DSE: variants seen among roughly 807,000 people sequenced by gnomAD.
The protein encoded by DSE is dermatan-sulfate epimerase.
DSE carries 36 observed loss-of-function variants against 84.4 expected under a neutral mutation model. That is an observed-to-expected ratio of 0.43 (90% CI 0.33 to 0.56). The LOEUF (loss-of-function observed/expected upper bound fraction) is 0.56, where lower values mean the gene tolerates loss of function less well. Among genes scored for constraint, DSE ranks in the 20% least tolerant of loss-of-function variants. The probability of loss-of-function intolerance (pLI) is 0.06; values close to 1 mark genes in which losing one functional copy is unlikely to be tolerated. For synonymous variants in DSE, 410 were observed against 430.1 expected, an observed-to-expected ratio of 0.95 and a Z score of 0.58; for missense variants, 862 against 1,169.6, an observed-to-expected ratio of 0.74 and a Z score of 3.84.
At chr6:116,393,563 A>G (rs896792033) in intron 1 of DSE, among the ~76,000 whole-genome samples, 3 of 152,214 alleles carry the variant, frequency 2.0e-5, no homozygotes, top group African/African-American at 7.2e-5. Flanking sequence ...TGCATCACAC[A>G]TGTCTAATCA....
rs1784395391 is a variant in DSE, at chr6:116,440,621, T to A, written c.*3276T>A. The A allele has an allele frequency of 6.6e-6, 1 of 152,190 alleles. No individual in the cohort carries two copies. Among genetic ancestry groups the A allele is most frequent in the Non-Finnish European group, 1.5e-5 (1 of 68,034 alleles). The allele number at this position is 152,190 out of a possible 1,614,324, so 9.4% of individuals were successfully genotyped here. A position where few individuals can be genotyped will look rare whatever the true frequency, so the allele number is the denominator to read the frequency against. ...ATCTAAACCAAGATTAAAATGAATA[T>A]AGTCATAGGTATGAGGGGCATGTAA... On this transcript the variant is annotated 3_prime_UTR_variant, in exon 6 of 6. Transcript: ENST00000644252.
chr6:116,352,678 G>C (rs1248339759), intron 2 of DSE, among the ~76,000 whole-genome samples: 4 of 150,448 alleles, frequency 2.7e-5, no homozygotes, highest in Non-Finnish European at 4.4e-5. Context: ...TGTGTTGAAG[G>C]AGTAAGATGG....
At chr6:116,409,428 C>T (rs1316894957) in intron 2 of DSE, among the ~76,000 whole-genome samples, 5 of 152,138 alleles carry the variant, frequency 3.3e-5, no homozygotes, top group Non-Finnish European at 4.4e-5. Flanking sequence ...CAGGTGCCCA[C>T]CACCACGCCT....
upstream of DSE, chr6:116,367,356 A>G (rs1325833262): frequency 1.3e-5 from 2 of 152,278 alleles, no homozygotes; most frequent in African/African-American, 4.8e-5. Flanking sequence ...AGGAAGAAAA[A>G]CAAAAAGCAT....
At position 116,440,945 on chromosome 6, in the gene DSE, T is replaced by C. The variant is rs1020236989; in HGVS notation, c.*3600T>C. On this transcript the variant is annotated 3_prime_UTR_variant, in exon 6 of 6. Transcript: ENST00000644252. ...GATCCTTTCCCTGTTCGCTGTGTAT[T>C]CCCTGTCTGTGGCAAAGCCCATTGC... 2 of 152,232 alleles carry C rather than the reference T, an allele frequency of 1.3e-5. No homozygotes were observed. The highest frequency in any genetic ancestry group is 2.4e-5 in the African/African-American group (1 of 41,456). 9.4% of individuals were successfully genotyped at this position (152,232 alleles called of 1,614,324 possible).
At chr6:116,306,798 A>G (rs1775373286) in intron 2 of DSE, among the ~76,000 whole-genome samples, 1 of 152,084 alleles carries the variant, frequency 6.6e-6, no homozygotes, top group Non-Finnish European at 1.5e-5. Flanking sequence ...GCAGGACCCT[A>G]ATGATGGGAT....
At position 116,438,237 on chromosome 6, in the gene DSE, C is replaced by T; in HGVS notation, c.*892C>T. 6.6e-6 allele frequency: 1 copy of T among 152,290 alleles called. No individual in the cohort carries two copies. The highest frequency in any genetic ancestry group is 1.5e-5 in the Non-Finnish European group (1 of 67,892). The allele number at this position is 152,290 out of a possible 1,614,324, so 9.4% of individuals were successfully genotyped here. The stretch of plus-strand genomic sequence containing the variant: ...TTCTTATGTTTTTTTAATAGAAAAC[C>T]TTCTTCAAGTTTATTTTCCTAAATA... On this transcript the variant is annotated 3_prime_UTR_variant, in exon 6 of 6. Coordinates refer to ENST00000644252, the MANE Select transcript of DSE (RefSeq NM_013352.4).
At chr6:116,337,154 C>T (rs893592567) in intron 2 of DSE, among the ~76,000 whole-genome samples, 1 of 152,124 alleles carries the variant, frequency 6.6e-6, no homozygotes, top group Non-Finnish European at 1.5e-5. Context: ...TATCACATAG[C>T]TGATAAGTGG....
intron 2 of DSE, among the ~76,000 whole-genome samples, chr6:116,419,597 C>T (rs1250639009): frequency 1.3e-5 from 2 of 152,198 alleles, no homozygotes; most frequent in African/African-American, 4.8e-5. Context: ...GGCATATGTA[C>T]AGTAGACACA....
At chr6:116,373,367 G>T (rs1019366709) in intron 1 of DSE, among the ~76,000 whole-genome samples, 2 of 152,154 alleles carry the variant, frequency 1.3e-5, no homozygotes, top group African/African-American at 4.8e-5. Flanking sequence ...CATCTGAAAA[G>T]AAACTTTGAC....
intron 2 of DSE, among the ~76,000 whole-genome samples, chr6:116,426,337 C>T (rs959537927): frequency 2.0e-5 from 3 of 152,094 alleles, no homozygotes; most frequent in Non-Finnish European, 4.4e-5. Context: ...AGTAAAAATT[C>T]TCAACATCTC....
chr6:116,376,140 A>G (rs1447438232), intron 1 of DSE, among the ~76,000 whole-genome samples: 1 of 152,178 alleles, frequency 6.6e-6, no homozygotes, highest in Non-Finnish European at 1.5e-5. Context: ...TGTGCTTCCT[A>G]GACTAATGTA....
At chr6:116,359,224 A>G (rs1778751249) in intron 2 of DSE, among the ~76,000 whole-genome samples, 1 of 152,256 alleles carries the variant, frequency 6.6e-6, no homozygotes, top group African/African-American at 2.4e-5. Flanking sequence ...AATCTGCCTT[A>G]AGGGAACTCT....
At chr6:116,425,437 C>T (rs919431692) in intron 2 of DSE, among the ~76,000 whole-genome samples, 1 of 152,086 alleles carries the variant, frequency 6.6e-6, no homozygotes, top group Non-Finnish European at 1.5e-5. Context: ...ACATCCTGAA[C>T]AGATGGGAAG....
chr6:116,293,347 C>T (rs1206624633), intron 2 of DSE, among the ~76,000 whole-genome samples: 1 of 151,276 alleles, frequency 6.6e-6, no homozygotes, highest in African/African-American at 2.4e-5. Flanking sequence ...TCTCAGCTCA[C>T]TACAACCTCT....
In DSE at chr6:116,345,824, C is replaced by T. The variant is rs148254370; in HGVS notation, c.-53-53374C>T. Reference sequence around the variant, plus strand: ...AAAACCCTTCAAAAAATCAATGAATCCAGGAGCAGGTTTTTCGAAAAGATC... The same window carrying T: ...AAAACCCTTCAAAAAATCAATGAATTCAGGAGCAGGTTTTTCGAAAAGATC... On this transcript the variant is annotated intron_variant, in intron 2 of 3. Transcript: ENST00000430252. Among the ~76,000 whole-genome samples, 1,304 of 152,104 alleles carry T rather than the reference C, an allele frequency of 8.6e-3. 21 individuals carry two copies. Among genetic ancestry groups the T allele is most frequent in the Middle Eastern group, 0.027 (8 of 294 alleles).
At chr6:116,258,214 C>G (rs983583624) in intron 1 of DSE, among the ~76,000 whole-genome samples, 1 of 151,906 alleles carries the variant, frequency 6.6e-6, no homozygotes, top group East Asian at 1.9e-4. Flanking sequence ...CAGGGTTTCA[C>G]CATATTGGCC....
chr6:116,417,911 G>A (rs6925137), intron 2 of DSE, among the ~76,000 whole-genome samples: 7,901 of 152,244 alleles, frequency 0.052, 706 homozygotes, highest in African/African-American at 0.18. Flanking sequence ...GTTTTAATCA[G>A]TAGTAAGTAT....
At chr6:116,369,302 A>C (rs1779365752), upstream of DSE, among the ~76,000 whole-genome samples, 1 of 152,202 alleles carries the variant, frequency 6.6e-6, no homozygotes, top group Admixed American at 6.5e-5. Context: ...TGTTTTTTCT[A>C]AAGTCTCTTT....
Sources: allele counts gnomAD v4.1 joint callset (sites outside exome capture counted in the v4.1 genomes callset), GRCh38; gene constraint gnomAD v4.1.1; transcripts MANE v1.5; gene names NCBI Gene and HGNC (gene_info 2026-07-23, HGNC 2026-07-21).